The following KCNIP4 variants were observed in gnomAD, a reference collection of about 807,000 sequenced individuals.
KCNIP4 encodes the protein potassium voltage-gated channel interacting protein 4.
In KCNIP4, 12 loss-of-function variants were observed where a neutral mutation model predicts 34.0. That is an observed-to-expected ratio of 0.35 (90% CI 0.23 to 0.57). The LOEUF (loss-of-function observed/expected upper bound fraction) is 0.57, where lower values mean the gene tolerates loss of function less well. Among genes scored for constraint, KCNIP4 ranks in the 20% least tolerant of loss-of-function variants. The probability of loss-of-function intolerance (pLI) is 0.83; values close to 1 mark genes in which losing one functional copy is unlikely to be tolerated. For missense variants in KCNIP4, 238 were observed against 311.7 expected (o/e 0.76, Z 1.78); for synonymous variants, 124 against 102.2 (o/e 1.21, Z -1.29).
chr4:20,752,215 T>C (rs990215620), intron 4 of KCNIP4, among the ~76,000 whole-genome samples: 1 of 151,974 alleles, frequency 6.6e-6, no homozygotes, highest in Non-Finnish European at 1.5e-5. Context: ...CCTGCCACCA[T>C]GCCCGGCGAA....
At chr4:20,932,586 T>C (rs1730591584) in intron 1 of KCNIP4, among the ~76,000 whole-genome samples, 1 of 152,070 alleles carries the variant, frequency 6.6e-6, no homozygotes. Flanking sequence ...CAAAGATAAC[T>C]ATGCGAGATG....
intron 1 of KCNIP4, among the ~76,000 whole-genome samples, chr4:21,446,365 G>C (rs1727988003): frequency 6.6e-6 from 1 of 151,890 alleles, no homozygotes; most frequent in Non-Finnish European, 1.5e-5. Context: ...CAAAGACTTG[G>C]AACCAACCCA....
intron 1 of KCNIP4, among the ~76,000 whole-genome samples, chr4:21,692,605 T>C (rs949608980): frequency 1.3e-5 from 2 of 152,124 alleles, no homozygotes; most frequent in African/African-American, 4.8e-5. Context: ...CAGTGTAACA[T>C]GGTGGTATTT....
intron 1 of KCNIP4, among the ~76,000 whole-genome samples, chr4:21,342,170 A>G (rs1186791540): frequency 6.6e-6 from 1 of 152,078 alleles, no homozygotes; most frequent in African/African-American, 2.4e-5. Context: ...AAAAGAGACA[A>G]GATTGTGACT....
intron 1 of KCNIP4, among the ~76,000 whole-genome samples, chr4:21,546,328 T>C (rs1421867040): frequency 6.6e-6 from 1 of 152,110 alleles, no homozygotes; most frequent in Non-Finnish European, 1.5e-5. Context: ...ACAAGATTTA[T>C]ATTGAATGGG....
At chr4:21,279,459 T>G (rs1217222703) in intron 1 of KCNIP4, among the ~76,000 whole-genome samples, 1 of 151,668 alleles carries the variant, frequency 6.6e-6, no homozygotes, top group Non-Finnish European at 1.5e-5. Context: ...ATTGGCCTAT[T>G]GTTTCACCAT....
chr4:20,958,006 C>T (rs753679887), intron 1 of KCNIP4, among the ~76,000 whole-genome samples: 2 of 152,180 alleles, frequency 1.3e-5, no homozygotes, highest in East Asian at 3.9e-4. Context: ...GTCTTAACTC[C>T]ATCTTCTGAG....
At chr4:21,568,078 G>C (rs1740057842) in intron 1 of KCNIP4, among the ~76,000 whole-genome samples, 4 of 152,100 alleles carry the variant, frequency 2.6e-5, no homozygotes, top group Non-Finnish European at 4.4e-5. Flanking sequence ...ATATTGCCCT[G>C]TTTTCAAAAC....
intron 1 of KCNIP4, among the ~76,000 whole-genome samples, chr4:21,123,343 C>T (rs57228887): frequency 0.065 from 9,955 of 152,142 alleles, 461 homozygotes; most frequent in South Asian, 0.13. Flanking sequence ...GAGCAAAAAA[C>T]AGAAACATCC....
intron 1 of KCNIP4, among the ~76,000 whole-genome samples, chr4:21,451,290 T>C (rs1003586883): frequency 6.6e-6 from 1 of 152,118 alleles, no homozygotes; most frequent in Non-Finnish European, 1.5e-5. Context: ...AGGTGAAATG[T>C]CAGTGGTAAG....
At chr4:20,750,873 A>G (rs1253531661) in intron 4 of KCNIP4, among the ~76,000 whole-genome samples, 1 of 152,096 alleles carries the variant, frequency 6.6e-6, no homozygotes, top group Non-Finnish European at 1.5e-5. Flanking sequence ...CTATTTTATA[A>G]CTTTTAACCT....
intron 1 of KCNIP4, among the ~76,000 whole-genome samples, chr4:21,191,513 C>G (rs1755645370): frequency 6.6e-6 from 1 of 152,102 alleles, no homozygotes; most frequent in South Asian, 2.1e-4. Flanking sequence ...CTGAGTATGT[C>G]AGGATGATGC....
At chr4:21,915,289 T>C (rs1191868240) in intron 1 of KCNIP4, among the ~76,000 whole-genome samples, 2 of 152,118 alleles carry the variant, frequency 1.3e-5, no homozygotes, top group Non-Finnish European at 2.9e-5. Flanking sequence ...TATACTAATC[T>C]AATAAAGGTA....
intron 3 of KCNIP4, among the ~76,000 whole-genome samples, chr4:20,833,020 T>C (rs1162276381): frequency 6.6e-6 from 1 of 152,224 alleles, no homozygotes; most frequent in African/African-American, 2.4e-5. Flanking sequence ...GAGACAGAAC[T>C]ATGACTAGGT....
chr4:20,918,046 T>C (rs1368690846), intron 1 of KCNIP4, among the ~76,000 whole-genome samples: 1 of 152,146 alleles, frequency 6.6e-6, no homozygotes, highest in Non-Finnish European at 1.5e-5. Context: ...GCCAAAGTAC[T>C]GAAACTCTTC....
intron 2 of KCNIP4, among the ~76,000 whole-genome samples, chr4:20,868,543 G>A (rs1216054662): frequency 6.6e-6 from 1 of 152,088 alleles, no homozygotes; most frequent in Non-Finnish European, 1.5e-5. Flanking sequence ...GCACTCATAT[G>A]TTCATCACTG....
At chr4:21,107,725 C>G (rs972752507) in intron 1 of KCNIP4, among the ~76,000 whole-genome samples, 18 of 151,606 alleles carry the variant, frequency 1.2e-4, no homozygotes, top group Non-Finnish European at 2.4e-4. Flanking sequence ...CATGATGTTG[C>G]AGTGGCTGGT....
At position 21,909,578 on chromosome 4, in the gene KCNIP4, T is replaced by C. The variant is rs10938865; in HGVS notation, c.61+38993A>G. The stretch of plus-strand genomic sequence containing the variant: ...GTTTACTCGTGTGTTAACTTCTTTA[T>C]GTATGCAAGCTGCATTAAGGCTTAC... On this transcript the variant is annotated intron_variant, in intron 1 of 8. Coordinates refer to ENST00000382152, the MANE Select transcript of KCNIP4 (RefSeq NM_025221.6). Among the ~76,000 whole-genome samples, 1,452 of 152,256 alleles carry C rather than the reference T, an allele frequency of 9.5e-3. 36 individuals carry two copies. The highest frequency in any genetic ancestry group is 0.033 in the African/African-American group (1,384 of 41,566).
chr4:21,452,039 C>T (rs751123957), intron 1 of KCNIP4, among the ~76,000 whole-genome samples: 4 of 151,928 alleles, frequency 2.6e-5, no homozygotes, highest in Non-Finnish European at 5.9e-5. Flanking sequence ...TCTGTTTCTT[C>T]CCCCCCAACT....
Sources: allele counts gnomAD v4.1 joint callset (sites outside exome capture counted in the v4.1 genomes callset), GRCh38; gene constraint gnomAD v4.1.1; transcripts MANE v1.5; gene names NCBI Gene and HGNC (gene_info 2026-07-23, HGNC 2026-07-21).